The following BSN variants were observed in gnomAD, a reference collection of about 807,000 sequenced individuals.
BSN encodes protein bassoon.
A neutral mutation model predicts 264.8 loss-of-function variants in BSN; 57 were observed. That is an observed-to-expected ratio of 0.22 (90% CI 0.17 to 0.27). BSN has a LOEUF of 0.27. Ranked by LOEUF, BSN falls within the 10% of genes least tolerant of loss-of-function variation. The pLI is 1.00. For missense variants in BSN, 4,615 were observed against 5,232.5 expected (o/e 0.88, Z 3.64); for synonymous variants, 2,059 against 2,137.3 (o/e 0.96, Z 1.01).
Position 49,657,572 on chromosome 3 carries a change from C to T in BSN, c.8016C>T (p.Cys2672=). 1 of 1,613,112 alleles carries T rather than the reference C, an allele frequency of 6.2e-7. No individual in the cohort carries two copies. The highest frequency in any genetic ancestry group is 8.5e-7 in the Non-Finnish European group (1 of 1,179,970). The change falls in exon 5 of 12, where the codon TGC becomes TGT. Residue 2672 remains cysteine, a synonymous_variant. Coordinates refer to ENST00000296452, the MANE Select transcript of BSN (RefSeq NM_003458.4). ...SSVGIQTISD[C]SVQTEPDQLP... is the part of the protein sequence containing the mutation. ...TGGGCATCCAGACCATCAGTGACTG[C>T]TCCGTGCAGACGGAGCCTGACCAGC... is the stretch of plus-strand genomic sequence containing the variant.
chr3:49,572,136 A>G (rs2051801690), intron 1 of BSN, among the ~76,000 whole-genome samples: 1 of 152,194 alleles, frequency 6.6e-6, no homozygotes, highest in Non-Finnish European at 1.5e-5. Flanking sequence ...AGTGTTGACC[A>G]TTGGACTTGT....
Position 49,663,511 on chromosome 3 carries a change from C to T in BSN, c.11353C>T (p.Leu3785Phe). The change falls in exon 7 of 12, where the codon CTT becomes TTT. Residue 3785 changes from leucine to phenylalanine, a missense_variant. This residue lies in a region of BSN where 3,415 missense variants were observed against 3,866.4 expected (regional missense o/e 0.88). Coordinates refer to ENST00000296452, the MANE Select transcript of BSN (RefSeq NM_003458.4). ...QPQTQQQQQGLGLQPPQQALT... is the reference protein window; with the variant it reads ...QPQTQQQQQGFGLQPPQQALT... ...ACAGACACAGCAGCAGCAGCAAGGT[C>T]TTGGGCTGCAGCCCCCACAGCAGGC... 6.2e-7 allele frequency: 1 copy of T among 1,612,944 alleles called. No homozygotes were observed. The highest frequency in any genetic ancestry group is 1.7e-5 in the Admixed American group (1 of 59,994).
chr3:49,560,327 G>A (rs541401779), intron 1 of BSN, among the ~76,000 whole-genome samples: 11 of 152,308 alleles, frequency 7.2e-5, no homozygotes, highest in African/African-American at 2.6e-4. Flanking sequence ...GGGGCTAACT[G>A]TGAAGGTAGG....
At chr3:49,560,181 T>C (rs1172771743) in intron 1 of BSN, among the ~76,000 whole-genome samples, 1 of 152,172 alleles carries the variant, frequency 6.6e-6, no homozygotes, top group Non-Finnish European at 1.5e-5. Context: ...ATCTTTCCCC[T>C]TATCACAGGT....
chr3:49,645,953 C>T (rs957126429), intron 3 of BSN, among the ~76,000 whole-genome samples: 3 of 152,118 alleles, frequency 2.0e-5, no homozygotes, highest in Non-Finnish European at 4.4e-5. Context: ...AGGGACAGAC[C>T]CGTGGAGCCC....
chr3:49,624,897 T>A, intron 1 of BSN, 78 bp from the exon 2 acceptor site: 1 of 1,358,732 alleles, frequency 7.4e-7, no homozygotes, highest in Non-Finnish European at 9.8e-7. Flanking sequence ...CTTGGCAGGG[T>A]CACCTAGCTT....
intron 1 of BSN, among the ~76,000 whole-genome samples, chr3:49,566,262 A>G (rs2051751326): frequency 6.6e-6 from 1 of 152,254 alleles, no homozygotes; most frequent in African/African-American, 2.4e-5. Flanking sequence ...TGAAGACATC[A>G]GGACATTTAT....
At chr3:49,556,468 C>A (rs894197986) in intron 1 of BSN, among the ~76,000 whole-genome samples, 6 of 152,154 alleles carry the variant, frequency 3.9e-5, no homozygotes, top group African/African-American at 7.2e-5. Flanking sequence ...GTGAGGCGAA[C>A]CACGGACTCC....
chr3:49,573,791 G>C (rs758442415), intron 1 of BSN, among the ~76,000 whole-genome samples: 14 of 151,806 alleles, frequency 9.2e-5, no homozygotes, highest in Non-Finnish European at 1.6e-4. Context: ...CTGAGTAGCT[G>C]GGATTACAGG....
chr3:49,610,204 A>G (rs965185547), intron 1 of BSN, among the ~76,000 whole-genome samples: 1 of 152,214 alleles, frequency 6.6e-6, no homozygotes, highest in African/African-American at 2.4e-5. Flanking sequence ...ATGCACGTTC[A>G]AGTTCCCATG....
rs764944766 is a variant in BSN at position 49,661,064 on chromosome 3, C to T, written c.9219C>T (p.Asn3073=). The change falls in exon 6 of 12, where the codon AAC becomes AAT. Residue 3073 remains asparagine, a synonymous_variant. Coordinates refer to ENST00000296452, the MANE Select transcript of BSN (RefSeq NM_003458.4). ...YSAGSGGPTQ[N]GFPAHQAPTY... is the part of the protein sequence containing the mutation. ...CAGGCAGTGGTGGGCCAACTCAGAACGGATTCCCAGCCCACCAGGCCCCCA... is the reference window on the plus strand; with the variant it reads ...CAGGCAGTGGTGGGCCAACTCAGAATGGATTCCCAGCCCACCAGGCCCCCA... 9.3e-6 allele frequency: 15 copies of T among 1,611,844 alleles called. 1 individual carries two copies. The highest frequency in any genetic ancestry group is 3.3e-4 in the Middle Eastern group (2 of 6,072).
At chr3:49,608,062 T>C (rs1201605479) in intron 1 of BSN, among the ~76,000 whole-genome samples, 1 of 152,106 alleles carries the variant, frequency 6.6e-6, no homozygotes, top group African/African-American at 2.4e-5. Context: ...CACTGGGTGG[T>C]CTCTGCCAGC....
At chr3:49,592,712 C>CT (rs1047046222) in intron 1 of BSN, among the ~76,000 whole-genome samples, 22 of 150,800 alleles carry the variant, frequency 1.5e-4, no homozygotes, top group African/African-American at 5.1e-4. Context: ...GATAGCGCCG[C>CT]TGCACTCTGG....
rs759929217 is a variant in BSN at position 49,622,757 on chromosome 3, C to G, written c.225-2218C>G. Among the ~76,000 whole-genome samples, 15 of 152,160 alleles carry G rather than the reference C, an allele frequency of 9.9e-5. No individual in the cohort carries two copies. In the South Asian group the frequency reaches 1.9e-3, roughly 19 times the overall value. Reference sequence around the variant, plus strand: ...AGTGGGAAATATTTCTTTAGGATACCTAGAAATTAGTATACTGAAAGGGCC... The same window carrying G: ...AGTGGGAAATATTTCTTTAGGATACGTAGAAATTAGTATACTGAAAGGGCC... On this transcript the variant is annotated intron_variant, in intron 1 of 11. Coordinates refer to ENST00000296452, the MANE Select transcript of BSN (RefSeq NM_003458.4).
intron 3 of BSN, among the ~76,000 whole-genome samples, chr3:49,649,298 T>C (rs138403684): frequency 1.3e-5 from 2 of 152,318 alleles, no homozygotes; most frequent in African/African-American, 4.8e-5. Flanking sequence ...GTTCTTATGG[T>C]CCACCTCGGT....
Position 49,661,712 on chromosome 3 carries a change from G to A in BSN, c.9867G>A (p.Glu3289=), listed in dbSNP as rs1253230830. 6.2e-7 allele frequency: 1 copy of A among 1,613,686 alleles called. No individual in the cohort carries two copies. The highest frequency in any genetic ancestry group is 1.1e-5 in the South Asian group (1 of 91,088). Reference sequence around the variant, plus strand: ...CCTGCTGCTATGCCAGAGGAGAAGAGGAATCTGAGGAGGACTCATACGATC... The same window carrying A: ...CCTGCTGCTATGCCAGAGGAGAAGAAGAATCTGAGGAGGACTCATACGATC... ...TLPCCYARGE[E]ESEEDSYDPR... The change falls in exon 6 of 12, where the codon GAG becomes GAA. Residue 3289 remains glutamate (E), a synonymous_variant. Transcript: ENST00000296452.
rs778211554 is a variant in BSN at position 49,664,931 on chromosome 3, C to T, written c.*14+78C>T. 36 of 1,101,798 alleles carry T rather than the reference C, an allele frequency of 3.3e-5. No homozygotes were observed. In the Middle Eastern group the frequency reaches 1.1e-3, roughly 32 times the overall value. The allele number at this position is 1,101,798 out of a possible 1,614,324, so 68.3% of individuals were successfully genotyped here. A position where few individuals can be genotyped will look rare whatever the true frequency, so the allele number is the denominator to read the frequency against. The stretch of plus-strand genomic sequence containing the variant: ...GGGGGTGGGGGTGGGGCTCTAAGTC[C>T]GAAGGGGTCCTCTGGGAGGAGTCCA... On this transcript the variant is annotated intron_variant, in intron 10 of 11. Coordinates refer to ENST00000296452, the MANE Select transcript of BSN (RefSeq NM_003458.4).
intron 1 of BSN, among the ~76,000 whole-genome samples, chr3:49,574,132 A>ATTTTTTTT (rs33920630): frequency 1.6e-5 from 2 of 127,974 alleles, no homozygotes; most frequent in African/African-American, 3.0e-5. Flanking sequence ...GTATTTTTGT[A>ATTTTTTTT]TTTTTTTTTT....
chr3:49,615,046 C>T (rs2052249136), intron 1 of BSN, among the ~76,000 whole-genome samples: 1 of 152,202 alleles, frequency 6.6e-6, no homozygotes, highest in Non-Finnish European at 1.5e-5. Flanking sequence ...TCCCTCTTGT[C>T]ACATTCTCCC....
Sources: gnomAD v4.1 joint callset for allele counts (sites outside exome capture counted in the v4.1 genomes callset) on GRCh38, gnomAD v4.1.1 for gene constraint, gnomAD v4.1.1 regional missense constraint, MANE v1.5 for transcripts, NCBI Gene and HGNC (gene_info 2026-07-23, HGNC 2026-07-21) for gene names.